Variants in AUTS2 observed in about 807,000 individuals in gnomAD.
AUTS2 encodes the protein autism susceptibility gene 2 protein.
In AUTS2, 17 loss-of-function variants were observed where a neutral mutation model predicts 112.4. That is an observed-to-expected ratio of 0.15 (90% confidence interval 0.10 to 0.23). AUTS2 has a LOEUF of 0.23. AUTS2 is among the 10% of genes least tolerant of loss of function. The pLI is 1.00. For synonymous variants in AUTS2, 751 were observed against 702.7 expected, an observed-to-expected ratio of 1.07 and a Z score of -1.09; for missense variants, 1,510 against 1,701.6, an observed-to-expected ratio of 0.89 and a Z score of 1.98.
At chr7:70,744,455 A>C (rs2129554528) in intron 6 of AUTS2, among the ~76,000 whole-genome samples, 1 of 152,212 alleles carries the variant, frequency 6.6e-6, no homozygotes, top group African/African-American at 2.4e-5. Flanking sequence ...AGGGTTTCAG[A>C]ATGTCCTTCA....
At chr7:70,348,727 G>A (rs567682597) in intron 4 of AUTS2, among the ~76,000 whole-genome samples, 9 of 152,250 alleles carry the variant, frequency 5.9e-5, no homozygotes, top group South Asian at 2.1e-4. Flanking sequence ...GGAGAATGGC[G>A]TGAACCCCGG....
chr7:70,117,790 C>A (rs1461790010), intron 2 of AUTS2, among the ~76,000 whole-genome samples: 1 of 151,840 alleles, frequency 6.6e-6, no homozygotes, highest in Non-Finnish European at 1.5e-5. Context: ...ACGCTGTCGC[C>A]CAGTCTGGAG....
intron 4 of AUTS2, among the ~76,000 whole-genome samples, chr7:70,190,737 T>A (rs751904284): frequency 1.4e-4 from 21 of 152,060 alleles, no homozygotes; most frequent in Non-Finnish European, 4.4e-5. Context: ...CAACGTAGAC[T>A]TTTTTTTATG....
At chr7:70,055,305 A>G (rs1251105280) in intron 2 of AUTS2, among the ~76,000 whole-genome samples, 2 of 152,152 alleles carry the variant, frequency 1.3e-5, no homozygotes, top group Admixed American at 6.5e-5. Context: ...GTGGTGGCAC[A>G]TGCCTGTAAT....
chr7:69,694,987 C>G (rs1026100199), intron 1 of AUTS2, among the ~76,000 whole-genome samples: 1 of 152,104 alleles, frequency 6.6e-6, no homozygotes. Context: ...TGGGAGAGAA[C>G]GTGGTAACCT....
intron 4 of AUTS2, among the ~76,000 whole-genome samples, chr7:70,204,945 GA>G (rs994581464): frequency 8.0e-5 from 12 of 150,642 alleles, no homozygotes; most frequent in South Asian, 4.2e-4. Context: ...GGTCTATAGG[GA>G]AAAAAAAAGG....
chr7:70,242,045 A>G (rs911522268), intron 4 of AUTS2, among the ~76,000 whole-genome samples: 6 of 152,200 alleles, frequency 3.9e-5, no homozygotes, highest in Non-Finnish European at 5.9e-5. Flanking sequence ...GCAGAGTGAC[A>G]GCACAATTCC....
At chr7:69,771,925 C>T (rs1788681556) in intron 1 of AUTS2, among the ~76,000 whole-genome samples, 1 of 151,934 alleles carries the variant, frequency 6.6e-6, no homozygotes, top group Admixed American at 6.6e-5. Flanking sequence ...GCTGGGATTA[C>T]AGGCATGCAC....
chr7:70,553,711 A>G (rs1366381712), intron 5 of AUTS2, among the ~76,000 whole-genome samples: 1 of 149,042 alleles, frequency 6.7e-6, no homozygotes, highest in Non-Finnish European at 1.5e-5. Flanking sequence ...TTTTTTTTTT[A>G]AGACTTTAAA....
chr7:70,029,226 A>G lies in AUTS2; in HGVS notation c.523-88906A>G, dbSNP rs529382246. Among the ~76,000 whole-genome samples the G allele has an allele frequency of 2.0e-5, 3 of 150,926 alleles. No homozygotes were observed. The South Asian group carries it at 6.3e-4, about 32-fold the overall frequency. The stretch of plus-strand genomic sequence containing the variant: ...TATGGAGCACTCAGAGCAGTGCCAG[A>G]CACACAGCAAATCCTCAGGTCTTTC... On this transcript the variant is annotated intron_variant, in intron 2 of 18. Coordinates refer to ENST00000342771, the MANE Select transcript of AUTS2 (RefSeq NM_015570.4).
intron 1 of AUTS2, among the ~76,000 whole-genome samples, chr7:69,831,595 G>C (rs1377252769): frequency 6.6e-6 from 1 of 151,370 alleles, no homozygotes; most frequent in Non-Finnish European, 1.5e-5. Flanking sequence ...TGAACCTTCT[G>C]TAAGCCAGGA....
intron 5 of AUTS2, among the ~76,000 whole-genome samples, chr7:70,440,706 T>C (rs966608504): frequency 2.0e-5 from 3 of 152,186 alleles, no homozygotes; most frequent in African/African-American, 7.2e-5. Flanking sequence ...TTAAACCCCT[T>C]ATCCAAACAT....
chr7:70,459,184 T>C (rs1039095498), intron 5 of AUTS2, among the ~76,000 whole-genome samples: 1 of 152,220 alleles, frequency 6.6e-6, no homozygotes, highest in Non-Finnish European at 1.5e-5. Flanking sequence ...CTTCAGGTCA[T>C]TAGTCATGTG....
intron 1 of AUTS2, among the ~76,000 whole-genome samples, chr7:69,858,226 A>G (rs771124179): frequency 9.2e-5 from 14 of 152,186 alleles, no homozygotes; most frequent in Non-Finnish European, 1.6e-4. Flanking sequence ...TTATCTTTGT[A>G]TGTTCAAAGT....
At chr7:69,786,928 A>G (rs756270290) in intron 1 of AUTS2, among the ~76,000 whole-genome samples, 1 of 152,242 alleles carries the variant, frequency 6.6e-6, no homozygotes, top group Non-Finnish European at 1.5e-5. Flanking sequence ...GCAGGCAGAC[A>G]TCAGAAATTT....
At chr7:69,951,560 T>C (rs1199334479) in intron 2 of AUTS2, among the ~76,000 whole-genome samples, 1 of 152,166 alleles carries the variant, frequency 6.6e-6, no homozygotes, top group Non-Finnish European at 1.5e-5. Context: ...TTTTGAGGAC[T>C]CAGTAAATCC....
chr7:69,866,282 C>T (rs1354736563), intron 1 of AUTS2, among the ~76,000 whole-genome samples: 3 of 152,182 alleles, frequency 2.0e-5, no homozygotes, highest in Non-Finnish European at 4.4e-5. Context: ...CATACCCAAA[C>T]AACCCAGCCC....
intron 5 of AUTS2, among the ~76,000 whole-genome samples, chr7:70,554,389 CTTTCT>C (rs1801157945): frequency 1.5e-5 from 2 of 135,212 alleles, no homozygotes; most frequent in Admixed American, 7.5e-5. Flanking sequence ...CTTTTCTTTT[CTTTCT>C]TTTTTTTTTT....
intron 5 of AUTS2, among the ~76,000 whole-genome samples, chr7:70,655,182 C>A (rs1318897397): frequency 6.6e-6 from 1 of 152,348 alleles, no homozygotes; most frequent in Non-Finnish European, 1.5e-5. Flanking sequence ...GGCCCCTGCC[C>A]ACATGGCTTT....
Sources: gnomAD v4.1 joint callset for allele counts (sites outside exome capture counted in the v4.1 genomes callset) on GRCh38, gnomAD v4.1.1 for gene constraint, MANE v1.5 for transcripts, NCBI Gene and HGNC (gene_info 2026-07-23, HGNC 2026-07-21) for gene names.